Variants in SCN4A observed in about 807,000 individuals in gnomAD.
The protein encoded by SCN4A is sodium voltage-gated channel alpha subunit 4, also known as sodium channel protein type 4 subunit alpha.
SCN4A carries 83 observed loss-of-function variants against 162.0 expected under a neutral mutation model. The ratio of observed to expected loss-of-function variants is 0.51; its 90% CI spans 0.43 to 0.61. SCN4A has a LOEUF of 0.61. SCN4A is among the 20% of genes least tolerant of loss of function. The pLI, the probability that SCN4A is intolerant of heterozygous loss-of-function variation, is 0.00. For synonymous variants in SCN4A, 944 were observed against 985.1 expected (o/e 0.96, Z 0.78); for missense variants, 2,196 against 2,462.5 (o/e 0.89, Z 2.29).
At position 63,950,478 on chromosome 17, in the gene SCN4A, C is replaced by T. The variant is rs1215921690; in HGVS notation, c.2853+946G>A. 2.0e-5 allele frequency among the ~76,000 whole-genome samples: 3 copies of T among 152,210 alleles called. No individual in the cohort carries two copies. Among genetic ancestry groups the T allele is most frequent in the African/African-American group, 7.2e-5 (3 of 41,458 alleles). On this transcript the variant is annotated intron_variant, in intron 14 of 23. Coordinates refer to ENST00000435607, the MANE Select transcript of SCN4A (RefSeq NM_000334.4). The surrounding 1 kb of genome is among the most constrained non-coding windows in gnomAD (Gnocchi z 4.6). ...GGGAGCCTGGGACTTTGGTGCTCTC[C>T]AGCTCCCCCGCCACCTGAGTGCCTC...
intron 6 of SCN4A, 63 bp from the exon 7 acceptor site, chr17:63,966,607 C>T (rs1306076769): frequency 5.6e-6 from 7 of 1,251,898 alleles, no homozygotes; most frequent in South Asian, 1.2e-5. Context: ...TGAGCACCTG[C>T]GCCCATTGCA....
chr17:63,959,818 C>T (rs1191190345), intron 11 of SCN4A, among the ~76,000 whole-genome samples: 2 of 152,184 alleles, frequency 1.3e-5, no homozygotes, highest in Admixed American at 6.5e-5. Context: ...GGGATTCTCA[C>T]ATGCATTCCA....
chr17:63,947,011 C>A, intron 18 of SCN4A, 34 bp downstream of exon 18: 1 of 1,447,662 alleles, frequency 6.9e-7, no homozygotes, highest in Non-Finnish European at 9.6e-7. Flanking sequence ...GTCCCCCATC[C>A]CCAGCCCACC....
In SCN4A at chr17:63,947,979, T is replaced by A; in HGVS notation, c.3229A>T (p.Ile1077Phe). The stretch of plus-strand genomic sequence containing the variant: ...ACCCATTTGAGCAGCATCTCCATGA[T>A]GAAGATGTAGGTGAAGACCTTGTCG... ...YADKVFTYIF[I>F]MEMLLKWVAY... is the part of the protein sequence containing the mutation. Residue 1077 changes from isoleucine (I) to phenylalanine (F), a missense_variant, in exon 17 of 24, where the codon ATC becomes TTC. By Grantham distance (21) the Ile-to-Phe change is conservative (BLOSUM62 0). Transcript: ENST00000435607. 1 of 1,614,012 alleles carries A rather than the reference T, an allele frequency of 6.2e-7. No individual in the cohort carries two copies. Among genetic ancestry groups the A allele is most frequent in the Non-Finnish European group, 8.5e-7 (1 of 1,179,914 alleles).
rs748403743 is a variant in SCN4A at position 63,941,317 on chromosome 17, C to T, written c.4965G>A (p.Lys1655=). 2 of 1,613,780 alleles carry T rather than the reference C, an allele frequency of 1.2e-6. No individual in the cohort carries two copies. The highest frequency in any genetic ancestry group is 2.7e-5 in the African/African-American group (2 of 74,882). The part of the protein sequence containing the change: ...DTLQEPLRIA[K]PNKIKLITLD... ...GTGTGATGAGCTTGATCTTGTTGGG[C>T]TTGGCAATCCTCAGCGGTTCCTGCA... Residue 1655 remains lysine (K), a synonymous_variant, in exon 24 of 24, where the codon AAG becomes AAA. Transcript: ENST00000435607. This position sits in a 1 kb window ranked among gnomAD's most constrained non-coding sequence, Gnocchi z 6.2.
chr17:63,971,106 C>A (rs577376181), intron 5 of SCN4A, 56 bp downstream of exon 5: 5 of 1,145,660 alleles, frequency 4.4e-6, no homozygotes, highest in South Asian at 3.9e-5. Flanking sequence ...TCCAGGCCTG[C>A]ACATGGTACG....
chr17:63,943,633 C>G (rs1303990947), intron 22 of SCN4A, 113 bp downstream of exon 22: 4 of 688,342 alleles, frequency 5.8e-6, no homozygotes, highest in Admixed American at 5.3e-5. Context: ...TGGGCCTAAC[C>G]TCACCCAGGG....
At chr17:63,965,664 T>C (rs1375986239) in intron 8 of SCN4A, among the ~76,000 whole-genome samples, 1 of 152,136 alleles carries the variant, frequency 6.6e-6, no homozygotes, top group Non-Finnish European at 1.5e-5. Context: ...AATTTTTGTA[T>C]TTTTAGTAGA....
rs552038212 is a variant in SCN4A at position 63,939,766 on chromosome 17, G to A, written c.*1005C>T. The A allele has an allele frequency of 6.6e-6, 1 of 152,424 alleles. No individual in the cohort carries two copies. Among genetic ancestry groups the A allele is most frequent in the South Asian group, 2.1e-4 (1 of 4,828 alleles). 9.4% of individuals were successfully genotyped at this position (152,424 alleles called of 1,614,324 possible). ...CATTCTTAGGATCACTTTGGGGAGA[G>A]AGGTGGGAAAGGTGAGAAAGAGACG... On this transcript the variant is annotated 3_prime_UTR_variant, in exon 24 of 24. Coordinates refer to ENST00000435607, the MANE Select transcript of SCN4A (RefSeq NM_000334.4).
chr17:63,944,850 C>T lies in SCN4A; in HGVS notation c.3775-40G>A, dbSNP rs773569935. Reference sequence around the variant, plus strand: ...GGGTGGGACGGCGTGGGTTTGCACGCTGGCTTCTCCCTGCCCCCCACAGCC... The same window carrying T: ...GGGTGGGACGGCGTGGGTTTGCACGTTGGCTTCTCCCTGCCCCCCACAGCC... On this transcript the variant is annotated intron_variant, in intron 20 of 23. Coordinates refer to ENST00000435607, the MANE Select transcript of SCN4A (RefSeq NM_000334.4). This position sits in a 1 kb window ranked among gnomAD's most constrained non-coding sequence, Gnocchi z 4.3. The T allele has an allele frequency of 6.2e-7, 1 of 1,608,122 alleles. No individual in the cohort carries two copies. The highest frequency in any genetic ancestry group is 1.3e-5 in the African/African-American group (1 of 74,952).
chr17:63,955,716 C>G (rs1909052715), intron 13 of SCN4A, among the ~76,000 whole-genome samples: 1 of 152,158 alleles, frequency 6.6e-6, no homozygotes, highest in Non-Finnish European at 1.5e-5. Flanking sequence ...CAAAGTTGGG[C>G]CCGGGCACCT....
intron 6 of SCN4A, among the ~76,000 whole-genome samples, chr17:63,966,907 G>T (rs563566199): frequency 6.6e-6 from 1 of 152,214 alleles, no homozygotes. Context: ...AGGGTGAGAA[G>T]GGTTACCTTT....
intron 18 of SCN4A, among the ~76,000 whole-genome samples, chr17:63,946,471 C>A (rs978968605): frequency 5.3e-5 from 7 of 132,744 alleles, no homozygotes; most frequent in Admixed American, 2.9e-4. Flanking sequence ...TGCCCCCCCC[C>A]CCACCCCGCC....
Position 63,944,720 on chromosome 17 carries a change from G to A in SCN4A, c.3865C>T (p.Leu1289Phe), listed in dbSNP as rs1598406368. ...IIFGSFFTLN[L>F]FIGVIIDNFN... ...TTGTCAATGATGACGCCAATGAAGAGGTTGAGGGTGAAGAAGGAGCCAAAG... is the reference window on the plus strand; with the variant it reads ...TTGTCAATGATGACGCCAATGAAGAAGTTGAGGGTGAAGAAGGAGCCAAAG... Residue 1289 changes from leucine to phenylalanine, a missense_variant, in exon 21 of 24, where the codon CTC becomes TTC. Transcript: ENST00000435607. This position sits in a 1 kb window ranked among gnomAD's most constrained non-coding sequence, Gnocchi z 4.3. 1.2e-6 allele frequency: 2 copies of A among 1,612,900 alleles called. No homozygotes were observed.
chr17:63,946,301 T>C (rs1025118595), intron 18 of SCN4A, among the ~76,000 whole-genome samples: 1 of 152,058 alleles, frequency 6.6e-6, no homozygotes, highest in Non-Finnish European at 1.5e-5. Context: ...TCCCTGGCTC[T>C]GGGGGGTCAG....
chr17:63,954,070 G>A lies in SCN4A; in HGVS notation c.2377-2170C>T, dbSNP rs144735874. Among the ~76,000 whole-genome samples, 319 of 152,288 alleles carry A rather than the reference G, an allele frequency of 2.1e-3. 1 individual carries two copies. Among genetic ancestry groups the A allele is most frequent in the African/African-American group, 7.2e-3 (298 of 41,560 alleles). On this transcript the variant is annotated intron_variant, in intron 13 of 23. Coordinates refer to ENST00000435607, the MANE Select transcript of SCN4A (RefSeq NM_000334.4). ...TTCTTCCTCGGAGCCCTGGGGGAGT[G>A]AGAGGGCATGGGGAATTGGGGAGCC...
At chr17:63,957,724 C>A (rs1909115932) in intron 12 of SCN4A, among the ~76,000 whole-genome samples, 1 of 152,160 alleles carries the variant, frequency 6.6e-6, no homozygotes, top group African/African-American at 2.4e-5. Flanking sequence ...CAAGTCCAGG[C>A]CAGGCGCGGT....
intron 9 of SCN4A, 86 bp from the exon 10 acceptor site, chr17:63,963,911 T>C: frequency 7.6e-7 from 1 of 1,308,510 alleles, no homozygotes. Context: ...TCTTCCAGAG[T>C]CCTTCAGGGT....
chr17:63,964,754 C>T, intron 8 of SCN4A, 77 bp from the exon 9 acceptor site: 1 of 1,163,098 alleles, frequency 8.6e-7, no homozygotes, highest in Non-Finnish European at 1.2e-6. Context: ...TTCCATACAT[C>T]CATTGCCCGC....
Sources: allele counts gnomAD v4.1 joint callset (sites outside exome capture counted in the v4.1 genomes callset), GRCh38; gene constraint gnomAD v4.1.1; non-coding constraint Gnocchi (gnomAD v3.1); transcripts MANE v1.5; gene names NCBI Gene and HGNC (gene_info 2026-07-23, HGNC 2026-07-21).